The following GALNT17 variants were observed in gnomAD, a reference collection of about 807,000 sequenced individuals.
GALNT17 encodes the protein UDP-GalNAc:polypeptide N-acetylgalactosaminyltransferase-like 3.
GALNT17 carries 29 observed loss-of-function variants against 63.7 expected under a neutral mutation model. The observed-to-expected ratio is 0.46, with a 90% CI of 0.34 to 0.62. The LOEUF is 0.62. GALNT17 is among the 20% of genes least tolerant of loss of function. GALNT17 has a pLI of 0.01. For missense variants in GALNT17, 603 were observed against 799.6 expected (o/e 0.75, Z 2.97); for synonymous variants, 305 against 318.3 (o/e 0.96, Z 0.45).
intron 5 of GALNT17, among the ~76,000 whole-genome samples, chr7:71,553,530 T>G (rs1037419434): frequency 6.6e-6 from 1 of 152,172 alleles, no homozygotes; most frequent in Non-Finnish European, 1.5e-5. Flanking sequence ...GAAAAGTTGT[T>G]TTTCATATTG....
At chr7:71,198,855 A>C (rs1789106796) in intron 1 of GALNT17, among the ~76,000 whole-genome samples, 1 of 152,294 alleles carries the variant, frequency 6.6e-6, no homozygotes, top group African/African-American at 2.4e-5. Context: ...CCCTTCGTTT[A>C]TGTGTTGGCT....
intron 1 of GALNT17, among the ~76,000 whole-genome samples, chr7:71,239,884 G>A (rs1789962627): frequency 6.6e-6 from 1 of 152,228 alleles, no homozygotes; most frequent in Non-Finnish European, 1.5e-5. Context: ...CAAGAATAAA[G>A]TGATAAGTGA....
intron 1 of GALNT17, among the ~76,000 whole-genome samples, chr7:71,227,175 A>C (rs1213243523): frequency 7.3e-5 from 2 of 27,496 alleles, no homozygotes; most frequent in African/African-American, 5.9e-4. Context: ...CCGTCTCTAC[A>C]AAAAAAAAAA....
At chr7:71,458,918 G>A (rs2116573967) in intron 5 of GALNT17, among the ~76,000 whole-genome samples, 1 of 152,218 alleles carries the variant, frequency 6.6e-6, no homozygotes, top group African/African-American at 2.4e-5. Context: ...AAAAGGCAAT[G>A]TTTGGGTGTG....
At chr7:71,564,104 C>T (rs1789298567) in intron 5 of GALNT17, among the ~76,000 whole-genome samples, 1 of 151,956 alleles carries the variant, frequency 6.6e-6, no homozygotes, top group African/African-American at 2.4e-5. Flanking sequence ...TTGCCAGCTC[C>T]CAGCACTATA....
chr7:71,564,626 T>G (rs1789310496), intron 5 of GALNT17, among the ~76,000 whole-genome samples: 1 of 152,080 alleles, frequency 6.6e-6, no homozygotes, highest in Admixed American at 6.5e-5. Flanking sequence ...GCGACCATCG[T>G]CACACATTCA....
At chr7:71,194,344 G>A (rs1002651006) in intron 1 of GALNT17, among the ~76,000 whole-genome samples, 4 of 152,172 alleles carry the variant, frequency 2.6e-5, no homozygotes, top group African/African-American at 4.8e-5. Context: ...TAATGTCTTG[G>A]TTTGTCACCA....
At chr7:71,603,476 G>A (rs552572003) in intron 6 of GALNT17, among the ~76,000 whole-genome samples, 8 of 151,512 alleles carry the variant, frequency 5.3e-5, no homozygotes, top group South Asian at 2.1e-4. Context: ...TGTTAAGTGC[G>A]TACACTGGAT....
Position 71,448,041 on chromosome 7 carries a change from A to G in GALNT17, c.962+26936A>G, listed in dbSNP as rs181887872. Among the ~76,000 whole-genome samples the G allele has an allele frequency of 3.1e-4, 47 of 152,200 alleles. No individual in the cohort carries two copies. The East Asian group carries it at 8.5e-3, about 28-fold the overall frequency. ...TATTGGTGCATATCTTCAAATAACT[A>G]TTTTTAGTGCTTGTATGTGTAAAAA... On this transcript the variant is annotated intron_variant, in intron 5 of 10. Coordinates refer to ENST00000333538, the MANE Select transcript of GALNT17 (RefSeq NM_022479.3).
At chr7:71,508,986 A>G (rs905403489) in intron 5 of GALNT17, among the ~76,000 whole-genome samples, 1 of 151,916 alleles carries the variant, frequency 6.6e-6, no homozygotes, top group East Asian at 1.9e-4. Context: ...ACAGCCTCTC[A>G]CCTGCTTTCT....
At chr7:71,181,110 CCGAGTGTGGTGGTGGA>C (rs1562891136) in intron 1 of GALNT17, among the ~76,000 whole-genome samples, 18 of 152,032 alleles carry the variant, frequency 1.2e-4, no homozygotes, top group African/African-American at 3.6e-4. Context: ...AAAAAATTAA[CCGAGTGTGGTGGTGGA>C]CACCTATAGT....
chr7:71,395,624 T>A (rs138721065), intron 3 of GALNT17, among the ~76,000 whole-genome samples: 2 of 152,362 alleles, frequency 1.3e-5, no homozygotes, highest in Non-Finnish European at 2.9e-5. Context: ...TGCTGGGTTA[T>A]GTGATAATTC....
intron 5 of GALNT17, among the ~76,000 whole-genome samples, chr7:71,505,203 C>T (rs778056376): frequency 1.4e-4 from 21 of 152,196 alleles, no homozygotes; most frequent in Non-Finnish European, 2.6e-4. Context: ...CTTCCTGCCA[C>T]ATCTTCCCCA....
At chr7:71,291,138 T>C (rs1166280499) in intron 1 of GALNT17, among the ~76,000 whole-genome samples, 1 of 152,238 alleles carries the variant, frequency 6.6e-6, no homozygotes, top group Non-Finnish European at 1.5e-5. Context: ...TTAACCTTAA[T>C]AAATTAATGT....
intron 1 of GALNT17, among the ~76,000 whole-genome samples, chr7:71,155,533 C>G (rs1788218672): frequency 6.6e-6 from 1 of 151,804 alleles, no homozygotes. Context: ...CTCAGCCTCC[C>G]AAAGTGCTGG....
At chr7:71,172,494 G>A (rs752751075) in intron 1 of GALNT17, among the ~76,000 whole-genome samples, 24 of 150,918 alleles carry the variant, frequency 1.6e-4, no homozygotes, top group Admixed American at 1.4e-3. Context: ...TATGGATGAA[G>A]CTAGCTAGAC....
chr7:71,329,220 AC>A (rs1437844789), intron 1 of GALNT17, among the ~76,000 whole-genome samples: 1 of 152,012 alleles, frequency 6.6e-6, no homozygotes, highest in Non-Finnish European at 1.5e-5. Context: ...TCTTGCCTTG[AC>A]CCTTGGGAGT....
chr7:71,260,509 C>A (rs965561235), intron 1 of GALNT17, among the ~76,000 whole-genome samples: 2 of 152,108 alleles, frequency 1.3e-5, no homozygotes, highest in Non-Finnish European at 2.9e-5. Context: ...ACTCATTCTC[C>A]TAGAAATATT....
rs565758656 is a variant in GALNT17 at position 71,675,798 on chromosome 7, C to A, written c.1405-1413C>A. Among the ~76,000 whole-genome samples the A allele has an allele frequency of 2.2e-3, 337 of 152,186 alleles. 1 individual carries two copies. The highest frequency in any genetic ancestry group is 7.9e-3 in the African/African-American group (329 of 41,542). ...AGTCAGGAGTTCGAGATCAGCCTGG[C>A]CAACGTGGTGAAACGCCATCTCTGC... On this transcript the variant is annotated intron_variant, in intron 8 of 10. Coordinates refer to ENST00000333538, the MANE Select transcript of GALNT17 (RefSeq NM_022479.3).
Sources: gnomAD v4.1 joint callset for allele counts (sites outside exome capture counted in the v4.1 genomes callset) on GRCh38, gnomAD v4.1.1 for gene constraint, MANE v1.5 for transcripts, NCBI Gene and HGNC (gene_info 2026-07-23, HGNC 2026-07-21) for gene names.